ANKRD11: variants seen among roughly 807,000 people sequenced by gnomAD.
ANKRD11 encodes ankyrin repeat domain-containing protein 11.
A neutral mutation model predicts 195.7 loss-of-function variants in ANKRD11; 17 were observed. The ratio of observed to expected loss-of-function variants is 0.09; its 90% CI spans 0.06 to 0.13. The LOEUF (loss-of-function observed/expected upper bound fraction) is 0.13, where lower values mean the gene tolerates loss of function less well. ANKRD11 is among the 10% of genes least tolerant of loss of function. The pLI is 1.00. For synonymous variants in ANKRD11, 1,953 were observed against 1,528.1 expected (o/e 1.28, Z -6.49); for missense variants, 3,735 against 3,566.1 (o/e 1.05, Z -1.21).
chr16:89,270,636 G>A, intron 12 of ANKRD11, 181 bp downstream of exon 12: 1 of 674,202 alleles, frequency 1.5e-6, no homozygotes, highest in South Asian at 1.7e-5. Flanking sequence ...CCACACGCAG[G>A]GACAGGACCT....
Position 89,313,680 on chromosome 16 carries a change from T to C in ANKRD11, c.87+3253A>G, listed in dbSNP as rs922695265. On this transcript the variant is annotated intron_variant, in intron 3 of 12. Transcript: ENST00000301030. Reference sequence around the variant, plus strand: ...ACTGAGCAGAAACCATTTCAGCCTGTACCAGGAGAAGGCAGGTCAGATGTG... The same window carrying C: ...ACTGAGCAGAAACCATTTCAGCCTGCACCAGGAGAAGGCAGGTCAGATGTG... 4 of 1,137,720 alleles carry C rather than the reference T, an allele frequency of 3.5e-6. No homozygotes were observed. The African/African-American group carries it at 6.4e-5, about 18-fold the overall frequency. The allele number at this position is 1,137,720 out of a possible 1,614,324, so 70.5% of individuals were successfully genotyped here. A position where few individuals can be genotyped will look rare whatever the true frequency, so the allele number is the denominator to read the frequency against.
intron 2 of ANKRD11, among the ~76,000 whole-genome samples, chr16:89,374,143 C>T (rs2040315791): frequency 1.3e-5 from 2 of 152,204 alleles, no homozygotes; most frequent in Admixed American, 1.3e-4. Flanking sequence ...CCCCTCTCCC[C>T]ATGACATCCC....
intron 7 of ANKRD11, chr16:89,286,422 C>A: frequency 3.1e-6 from 2 of 640,174 alleles, no homozygotes; most frequent in East Asian, 6.0e-5. Context: ...CTCCCGCACC[C>A]CTCCTGTGCT....
intron 11 of ANKRD11, chr16:89,273,148 CAT>C (rs1567541396): frequency 6.7e-6 from 1 of 149,954 alleles, no homozygotes; most frequent in Non-Finnish European, 1.5e-5. Context: ...TTTAAAATAA[CAT>C]ATAAGAGCGT....
intron 2 of ANKRD11, among the ~76,000 whole-genome samples, chr16:89,396,318 T>G (rs544032094): frequency 6.6e-6 from 1 of 152,206 alleles, no homozygotes; most frequent in South Asian, 2.1e-4. Flanking sequence ...TGTGCTGACC[T>G]GGGTCACCTC....
At chr16:89,336,385 T>C (rs1189071988) in intron 2 of ANKRD11, among the ~76,000 whole-genome samples, 1 of 152,150 alleles carries the variant, frequency 6.6e-6, no homozygotes, top group African/African-American at 2.4e-5. Flanking sequence ...GACAGCACAC[T>C]GGATTCAAAG....
At position 89,342,633 on chromosome 16, in the gene ANKRD11, T is replaced by TC. The variant is rs535940063; in HGVS notation, c.-59-25556dup. The stretch of plus-strand genomic sequence containing the variant: ...TTATATGGAAAACTGGGTGAATAAA[T>TC]CCCCAAGTATGAGCTGACATTCTTA... On this transcript the variant is annotated intron_variant, in intron 2 of 12. Transcript: ENST00000301030. Among the ~76,000 whole-genome samples the TC allele has an allele frequency of 7.2e-5, 11 of 152,254 alleles. No homozygotes were observed. The East Asian group carries it at 2.1e-3, about 29-fold the overall frequency.
intron 2 of ANKRD11, among the ~76,000 whole-genome samples, chr16:89,414,035 C>T (rs1272047705): frequency 1.3e-5 from 2 of 149,406 alleles, no homozygotes; most frequent in African/African-American, 2.5e-5. Flanking sequence ...GGCCTGCACA[C>T]CCTCCGCCAC....
At chr16:89,471,531 G>T (rs908021115) in intron 1 of ANKRD11, among the ~76,000 whole-genome samples, 3 of 151,412 alleles carry the variant, frequency 2.0e-5, no homozygotes, top group Non-Finnish European at 3.0e-5. Flanking sequence ...GGTGCCTCAC[G>T]CCTATAATCC....
intron 4 of ANKRD11, among the ~76,000 whole-genome samples, chr16:89,296,830 C>T (rs1348013086): frequency 6.6e-6 from 1 of 151,848 alleles, no homozygotes; most frequent in African/African-American, 2.4e-5. Context: ...GGGGCACTTC[C>T]AGCAGCATAA....
intron 1 of ANKRD11, among the ~76,000 whole-genome samples, chr16:89,451,240 C>T (rs993882475): frequency 1.3e-5 from 2 of 151,972 alleles, no homozygotes; most frequent in East Asian, 1.9e-4. Flanking sequence ...AAGGGTGTTT[C>T]GGGTTTTTGT....
chr16:89,287,851 GCAC>G, intron 7 of ANKRD11: 2 of 264,254 alleles, frequency 7.6e-6, no homozygotes, highest in South Asian at 2.4e-4. Context: ...CTGCAGAGGA[GCAC>G]GACGGGCACC....
At chr16:89,344,922 GA>G (rs374907095) in intron 2 of ANKRD11, among the ~76,000 whole-genome samples, 5 of 152,176 alleles carry the variant, frequency 3.3e-5, no homozygotes, top group African/African-American at 1.2e-4. Flanking sequence ...GCTCCTTGTA[GA>G]AAATACCAGT....
Position 89,283,554 on chromosome 16 carries a change from G to A in ANKRD11, c.2988C>T (p.Gly996=). ...KDKSDGDFGK[G]LEPWERHHPA... is the part of the protein sequence containing the mutation. Reference sequence around the variant, plus strand: ...GGTGGTGCCGTTCCCACGGCTCCAGGCCCTTCCCAAAGTCGCCGTCGGACT... The same window carrying A: ...GGTGGTGCCGTTCCCACGGCTCCAGACCCTTCCCAAAGTCGCCGTCGGACT... The change falls in exon 9 of 13, where the codon GGC becomes GGT. Residue 996 remains glycine (G), a synonymous_variant. Coordinates refer to ENST00000301030, the MANE Select transcript of ANKRD11 (RefSeq NM_013275.6). This position sits in a 1 kb window ranked among gnomAD's most constrained non-coding sequence, Gnocchi z 4.3. The A allele has an allele frequency of 6.2e-7, 1 of 1,612,134 alleles. No homozygotes were observed. The highest frequency in any genetic ancestry group is 1.1e-5 in the South Asian group (1 of 91,076).
intron 2 of ANKRD11, among the ~76,000 whole-genome samples, chr16:89,337,870 T>C (rs895464091): frequency 6.6e-6 from 1 of 152,198 alleles, no homozygotes; most frequent in East Asian, 1.9e-4. Context: ...TCTAATGGTG[T>C]GGTCTTCAGT....
At position 89,280,570 on chromosome 16, in the gene ANKRD11, G is replaced by C; in HGVS notation, c.5972C>G (p.Pro1991Arg). ...GGGGTCCGCGGGGCAGAAACGCTTT[G>C]GGGACTCGGGGAATCTCTGTGGAGA... ...LKSPQRFPES[P>R]KRFCPADPLH... Residue 1991 changes from proline to arginine, a missense_variant, in exon 9 of 13, where the codon CCA (proline) becomes CGA (arginine). Transcript: ENST00000301030. The C allele has an allele frequency of 6.2e-7, 1 of 1,613,362 alleles. No individual in the cohort carries two copies. The highest frequency in any genetic ancestry group is 8.5e-7 in the Non-Finnish European group (1 of 1,179,922).
At chr16:89,319,124 G>A (rs1444965786) in intron 2 of ANKRD11, among the ~76,000 whole-genome samples, 2 of 152,172 alleles carry the variant, frequency 1.3e-5, no homozygotes, top group African/African-American at 4.8e-5. Context: ...ACGGAAAAAC[G>A]GGGCCTTCAC....
intron 1 of ANKRD11, among the ~76,000 whole-genome samples, chr16:89,422,511 T>G (rs1005901434): frequency 6.6e-6 from 1 of 152,196 alleles, no homozygotes; most frequent in Admixed American, 6.5e-5. Context: ...GGTGCGACTA[T>G]GGGTCAGTAA....
chr16:89,364,757 T>C (rs1049194740), intron 2 of ANKRD11, among the ~76,000 whole-genome samples: 14 of 152,196 alleles, frequency 9.2e-5, no homozygotes, highest in Non-Finnish European at 1.9e-4. Flanking sequence ...TCTCACACTG[T>C]TCCCTGTCAG....
Sources: allele counts gnomAD v4.1 joint callset (sites outside exome capture counted in the v4.1 genomes callset), GRCh38; gene constraint gnomAD v4.1.1; non-coding constraint Gnocchi (gnomAD v3.1); transcripts MANE v1.5; gene names NCBI Gene and HGNC (gene_info 2026-07-23, HGNC 2026-07-21).